Variants in DMAC2L observed in about 807,000 individuals in gnomAD.
The protein encoded by DMAC2L is distal membrane arm assembly component 2 like.
Under a neutral mutation model 22.5 loss-of-function variants are expected in DMAC2L, and 21 were observed. The ratio of observed to expected loss-of-function variants is 0.93; its 90% confidence interval spans 0.66 to 1.34. DMAC2L has a LOEUF of 1.34. Among genes scored for constraint, DMAC2L ranks in the 40% most tolerant of loss-of-function variants. The pLI is 0.00. For synonymous variants in DMAC2L, 86 were observed against 89.5 expected (o/e 0.96, Z 0.22); for missense variants, 239 against 246.5 (o/e 0.97, Z 0.20).
Position 50,324,006 on chromosome 14 carries a change from TTTGC to T in DMAC2L, c.380_383del (p.Leu127Ter). On this transcript the variant is annotated frameshift_variant, in exon 5 of 6. Transcript: ENST00000557421. LOFTEE classifies it high-confidence loss of function. Reference sequence around the variant, plus strand: ...AGTGTCATTATATCGAGGATGACTGTTTGCTGAGACTTAGTCAACTTGAAAATTT... The same window carrying T: ...AGTGTCATTATATCGAGGATGACTGTTGAGACTTAGTCAACTTGAAAATTT... 1 of 1,614,078 alleles carries T rather than the reference TTTGC, an allele frequency of 6.2e-7. No individual in the cohort carries two copies. Among genetic ancestry groups the T allele is most frequent in the Non-Finnish European group, 8.5e-7 (1 of 1,179,972 alleles).
At chr14:50,319,793 T>C (rs962638179) in intron 2 of DMAC2L, among the ~76,000 whole-genome samples, 8 of 152,142 alleles carry the variant, frequency 5.3e-5, no homozygotes, top group African/African-American at 1.9e-4. Context: ...ATAACCCTGT[T>C]CTCCTAATGT....
chr14:50,318,988 T>C, intron 2 of DMAC2L: 1 of 980,088 alleles, frequency 1.0e-6, no homozygotes, highest in Non-Finnish European at 1.2e-6. Flanking sequence ...TTGCACTAAG[T>C]ATAGCAGACA....
At chr14:50,323,315 TCCTGA>T (rs1424530200) in intron 4 of DMAC2L, among the ~76,000 whole-genome samples, 2 of 151,512 alleles carry the variant, frequency 1.3e-5, no homozygotes, top group Non-Finnish European at 2.9e-5. Flanking sequence ...GGTCTCGATC[TCCTGA>T]CCTCATGATC....
Position 50,326,612 on chromosome 14 carries a change from T to G in DMAC2L, c.*889T>G. On this transcript the variant is annotated 3_prime_UTR_variant, in exon 6 of 6. Transcript: ENST00000557421. The stretch of plus-strand genomic sequence containing the variant: ...AACAGTTGCTGCTTAATTTGTCTAT[T>G]TTGTAAGCTTAGGCTACTATTTTAT... 1.0e-6 allele frequency: 1 copy of G among 985,486 alleles called. No individual in the cohort carries two copies. Among genetic ancestry groups the G allele is most frequent in the Non-Finnish European group, 1.2e-6 (1 of 829,938 alleles). The allele number at this position is 985,486 out of a possible 1,614,324, so 61.0% of individuals were successfully genotyped here.
At chr14:50,315,038 C>T (rs1365347805) in intron 2 of DMAC2L, among the ~76,000 whole-genome samples, 2 of 151,776 alleles carry the variant, frequency 1.3e-5, no homozygotes, top group African/African-American at 4.8e-5. Flanking sequence ...ATGATCTCAG[C>T]TCACTGCAAG....
upstream of DMAC2L, chr14:50,312,237 C>T: frequency 6.5e-7 from 1 of 1,538,726 alleles, no homozygotes; most frequent in South Asian, 1.2e-5. Flanking sequence ...AGCCCCGCCC[C>T]TCACGCGGGG....
At chr14:50,318,477 A>T (rs1336648939) in intron 2 of DMAC2L, among the ~76,000 whole-genome samples, 3 of 152,264 alleles carry the variant, frequency 2.0e-5, no homozygotes, top group Admixed American at 6.5e-5. Context: ...AAGCAAAAAT[A>T]TTCAGTTTTC....
chr14:50,324,154 T>C (rs1396545248), intron 5 of DMAC2L, 38 bp downstream of exon 5: 1 of 1,560,548 alleles, frequency 6.4e-7, no homozygotes, highest in South Asian at 1.2e-5. Context: ...TTGATAATGC[T>C]GTTAAGGTGA....
rs568983581 is a variant in DMAC2L at position 50,324,178 on chromosome 14, A to G, written c.488+62A>G. 175 of 1,490,828 alleles carry G rather than the reference A, an allele frequency of 1.2e-4. 1 individual carries two copies. The African/African-American group carries it at 2.1e-3, about 18-fold the overall frequency. The allele number at this position is 1,490,828 out of a possible 1,614,324, so 92.3% of individuals were successfully genotyped here. A position where few individuals can be genotyped will look rare whatever the true frequency, so the allele number is the denominator to read the frequency against. On this transcript the variant is annotated intron_variant, in intron 5 of 5. Coordinates refer to ENST00000557421, the MANE Select transcript of DMAC2L (RefSeq NM_001382507.1). ...CTGTTAAGGTGAATAGTTAGAATTT[A>G]ATTGACTGTGAGGGGTGGTGTCTTT...
rs112034799 is a variant in DMAC2L, at chr14:50,326,861, T to C, written c.*1138T>C. On this transcript the variant is annotated 3_prime_UTR_variant, in exon 6 of 6. Transcript: ENST00000557421. ...TTTGAGACCAATTTGGGCAACACAG[T>C]GAGACCCCATCTCTAAAAAAATTTT... 31 of 599,302 alleles carry C rather than the reference T, an allele frequency of 5.2e-5. No individual in the cohort carries two copies. The African/African-American group carries it at 5.6e-4, about 11-fold the overall frequency. 37.1% of individuals were successfully genotyped at this position (599,302 alleles called of 1,614,324 possible).
chr14:50,312,313 C>A, upstream of DMAC2L: 1 of 1,073,948 alleles, frequency 9.3e-7, no homozygotes, highest in Non-Finnish European at 1.3e-6. Flanking sequence ...GCGCGCGCGT[C>A]GGAGGGCGAA....
chr14:50,312,592 C>G (rs547559164), intron 1 of DMAC2L: 3 of 272,992 alleles, frequency 1.1e-5, no homozygotes. Flanking sequence ...GCGGGCCCTG[C>G]GGCTTCTTTC....
chr14:50,311,963 C>G, upstream of DMAC2L: 2 of 1,540,640 alleles, frequency 1.3e-6, no homozygotes, highest in Admixed American at 2.0e-5. Context: ...CAGGTGCCTC[C>G]GCGAGGGGCA....
intron 2 of DMAC2L, among the ~76,000 whole-genome samples, chr14:50,318,683 A>AT (rs559779079): frequency 8.1e-4 from 122 of 150,864 alleles, no homozygotes; most frequent in Middle Eastern, 3.4e-3. Flanking sequence ...TCTAACTGGA[A>AT]TTTTTTTTTT....
At chr14:50,313,029 T>C in intron 1 of DMAC2L, 1 of 1,614,118 alleles carries the variant, frequency 6.2e-7, no homozygotes, top group East Asian at 2.2e-5. Context: ...AAATGTGCTG[T>C]GCGGTCTCTG....
At chr14:50,323,867 A>G in intron 4 of DMAC2L, 78 bp from the exon 5 acceptor site, 2 of 1,289,804 alleles carry the variant, frequency 1.6e-6, no homozygotes, top group South Asian at 2.9e-5. Flanking sequence ...CCTAAAACCA[A>G]GTCAGTCGTG....
intron 2 of DMAC2L, among the ~76,000 whole-genome samples, chr14:50,317,840 A>C (rs900275658): frequency 7.9e-5 from 12 of 151,716 alleles, no homozygotes; most frequent in Non-Finnish European, 1.8e-4. Context: ...CTTGGAGGGA[A>C]TGCTTTAAAC....
At chr14:50,312,435 G>A (rs1235812492) in intron 1 of DMAC2L, 46 bp downstream of exon 1, 3 of 527,900 alleles carry the variant, frequency 5.7e-6, no homozygotes, top group African/African-American at 1.9e-5. Flanking sequence ...CTAGGGTGGT[G>A]GTTGTGTTCT....
At chr14:50,322,387 T>TC in intron 3 of DMAC2L, 124 bp from the exon 4 acceptor site, 2 of 875,628 alleles carry the variant, frequency 2.3e-6, no homozygotes, top group Non-Finnish European at 1.6e-6. Flanking sequence ...CTCACTAATT[T>TC]ATCTTCCTCG....
Sources: allele counts gnomAD v4.1 joint callset (sites outside exome capture counted in the v4.1 genomes callset), GRCh38; gene constraint gnomAD v4.1.1; transcripts MANE v1.5; gene names NCBI Gene and HGNC (gene_info 2026-07-23, HGNC 2026-07-21).